Variants in SATB1 observed in about 807,000 individuals in gnomAD.
SATB1 encodes SATB homeobox 1, also known as DNA-binding protein SATB1.
In SATB1, 11 loss-of-function variants were observed where a neutral mutation model predicts 86.9. That is an observed-to-expected ratio of 0.13 (90% CI 0.08 to 0.21). The LOEUF is 0.21. Among genes scored for constraint, SATB1 ranks in the 10% least tolerant of loss-of-function variants. SATB1 has a pLI of 1.00. For missense variants in SATB1, 551 were observed against 937.6 expected, an observed-to-expected ratio of 0.59 and a Z score of 5.39; for synonymous variants, 357 against 357.2, an observed-to-expected ratio of 1.00 and a Z score of 0.01.
chr3:18,431,386 T>A (rs1698886247), intron 2 of SATB1, among the ~76,000 whole-genome samples: 1 of 152,188 alleles, frequency 6.6e-6, no homozygotes, highest in Non-Finnish European at 1.5e-5. Context: ...TTCATATCTA[T>A]CTATATGTCT....
At chr3:18,400,824 ATG>A in intron 5 of SATB1, among the ~76,000 whole-genome samples, 1 of 152,326 alleles carries the variant, frequency 6.6e-6, no homozygotes, top group Middle Eastern at 3.4e-3. Context: ...AGTCTTTTTA[ATG>A]TAGAATGAAG....
Position 18,420,708 on chromosome 3 carries a change from T to C in SATB1, c.211+49A>G, listed in dbSNP as rs777686010. The C allele has an allele frequency of 2.0e-5, 30 of 1,504,900 alleles. No individual in the cohort carries two copies. In the Middle Eastern group the frequency reaches 9.3e-4, roughly 47 times the overall value. 93.2% of individuals were successfully genotyped at this position (1,504,900 alleles called of 1,614,324 possible). On this transcript the variant is annotated intron_variant, in intron 2 of 10. Transcript: ENST00000338745. ...CACCCCCACACAGTGTGGCCTTGTG[T>C]AGACAACAGGGCTTTCAGCTTTTCA...
Position 18,386,341 on chromosome 3 carries a change from C to T in SATB1, c.1419+58G>A, listed in dbSNP as rs901135508. The T allele has an allele frequency of 1.0e-5, 13 of 1,284,656 alleles. No homozygotes were observed. The highest frequency in any genetic ancestry group is 1.5e-5 in the African/African-American group (1 of 67,438). The allele number at this position is 1,284,656 out of a possible 1,614,324, so 79.6% of individuals were successfully genotyped here. A position where few individuals can be genotyped will look rare whatever the true frequency, so the allele number is the denominator to read the frequency against. ...TATCTAATTTCTTATTGAGATTCTT[C>T]CTCAAGCATTAAAAAAAAGCTAAAC... On this transcript the variant is annotated intron_variant, in intron 8 of 10. Coordinates refer to ENST00000338745, the MANE Select transcript of SATB1 (RefSeq NM_002971.6). This position sits in a 1 kb window ranked among gnomAD's most constrained non-coding sequence, Gnocchi z 4.5.
chr3:18,368,403 AG>A (rs1237710876), intron 9 of SATB1, among the ~76,000 whole-genome samples: 2 of 152,314 alleles, frequency 1.3e-5, no homozygotes, highest in East Asian at 3.9e-4. Flanking sequence ...AACTATGAAT[AG>A]GAAGAAAAAA....
chr3:18,403,673 T>C (rs1308271002), intron 5 of SATB1, among the ~76,000 whole-genome samples: 3 of 152,102 alleles, frequency 2.0e-5, no homozygotes, highest in Non-Finnish European at 4.4e-5. Flanking sequence ...CTTTAACTTC[T>C]CAGTCTATGC....
At chr3:18,437,215 A>G (rs1371439899) in intron 1 of SATB1, among the ~76,000 whole-genome samples, 3 of 152,162 alleles carry the variant, frequency 2.0e-5, no homozygotes, top group Non-Finnish European at 4.4e-5. Context: ...TGTTGGCCGA[A>G]GTCATCAAAA....
chr3:18,444,190 A>C lies in SATB1; in HGVS notation c.-25+1328T>G. The stretch of plus-strand genomic sequence containing the variant: ...CACCTTACTGCCCGCCCGGCTCCAG[A>C]ACGCACCGAGAGGCTCCCCTTTTCC... On this transcript the variant is annotated intron_variant, in intron 1 of 3. Coordinates refer to the SATB1 transcript ENST00000415069. This position sits in a 1 kb window ranked among gnomAD's most constrained non-coding sequence, Gnocchi z 5.1. Among the ~76,000 whole-genome samples, 1 of 151,350 alleles carries C rather than the reference A, an allele frequency of 6.6e-6. No individual in the cohort carries two copies. The highest frequency in any genetic ancestry group is 2.4e-5 in the African/African-American group (1 of 41,180).
intron 1 of SATB1, chr3:18,445,358 G>T (rs1699365297): frequency 7.1e-6 from 7 of 985,094 alleles, no homozygotes; most frequent in Non-Finnish European, 7.2e-6. Flanking sequence ...CCGGGGTGTG[G>T]GGGGCGGCGG....
At chr3:18,354,014 T>C (rs947269515) in intron 9 of SATB1, among the ~76,000 whole-genome samples, 2 of 152,212 alleles carry the variant, frequency 1.3e-5, no homozygotes, top group African/African-American at 4.8e-5. Flanking sequence ...GTGATGGCAA[T>C]GTCACTGAAT....
chr3:18,387,871 G>C (rs1295096879), intron 7 of SATB1, among the ~76,000 whole-genome samples: 1 of 152,134 alleles, frequency 6.6e-6, no homozygotes, highest in Non-Finnish European at 1.5e-5. Flanking sequence ...TGGTTTGTTA[G>C]AAGTACAAAC....
At chr3:18,373,460 T>C (rs534308223) in intron 9 of SATB1, among the ~76,000 whole-genome samples, 1 of 152,334 alleles carries the variant, frequency 6.6e-6, no homozygotes, top group Non-Finnish European at 1.5e-5. Flanking sequence ...GAATGCAATG[T>C]CAATGGTTCC....
rs571806131 is a variant in SATB1, at chr3:18,384,592, A to G, written c.1419+1807T>C. Among the ~76,000 whole-genome samples, 150 of 152,278 alleles carry G rather than the reference A, an allele frequency of 9.9e-4. 1 individual carries two copies. The highest frequency in any genetic ancestry group is 3.4e-3 in the African/African-American group (141 of 41,566). ...TCAGAGCCCTGTCAGTGGTGACTTC[A>G]GGAGCAAAGTTAACTAATAAAAGTG... On this transcript the variant is annotated intron_variant, in intron 8 of 10. Coordinates refer to ENST00000338745, the MANE Select transcript of SATB1 (RefSeq NM_002971.6).
intron 5 of SATB1, among the ~76,000 whole-genome samples, chr3:18,400,897 G>A (rs371219591): frequency 1.3e-5 from 2 of 152,146 alleles, no homozygotes. Context: ...AAAACACCAC[G>A]GGGAAATATT....
At chr3:18,445,359 G>A (rs1699365332) in intron 1 of SATB1, 114 of 985,134 alleles carry the variant, frequency 1.2e-4, no homozygotes, top group Non-Finnish European at 1.4e-4. Context: ...CGGGGTGTGG[G>A]GGGCGGCGGG....
At chr3:18,432,724 T>C (rs183651813) in intron 2 of SATB1, among the ~76,000 whole-genome samples, 2 of 152,200 alleles carry the variant, frequency 1.3e-5, no homozygotes, top group Admixed American at 6.5e-5. Flanking sequence ...GTGTATGTAA[T>C]TAATGTCACT....
rs368407559 is a variant in SATB1, at chr3:18,380,129, G to T, written c.1420-1804C>A. ...GGGATAGATTTGATCACCCCATGGG[G>T]TCCCTTTTAATACCTATTTTTCTCA... On this transcript the variant is annotated intron_variant, in intron 8 of 10. Transcript: ENST00000338745. Among the ~76,000 whole-genome samples the T allele has an allele frequency of 3.3e-5, 5 of 152,264 alleles. No individual in the cohort carries two copies. In the East Asian group the frequency reaches 9.6e-4, roughly 29 times the overall value.
At chr3:18,351,082 C>G in intron 10 of SATB1, 1 of 525,262 alleles carries the variant, frequency 1.9e-6, no homozygotes. Flanking sequence ...TACCTGATCC[C>G]AGAACTTTTC....
At chr3:18,427,049 A>C (rs935273112), upstream of SATB1, among the ~76,000 whole-genome samples, 2 of 152,234 alleles carry the variant, frequency 1.3e-5, no homozygotes, top group African/African-American at 4.8e-5. Context: ...CTTGAGCAAA[A>C]GAATGAACAT....
At chr3:18,415,879 A>G in intron 4 of SATB1, 128 bp downstream of exon 4, 2 of 740,722 alleles carry the variant, frequency 2.7e-6, no homozygotes, top group South Asian at 7.5e-5. Context: ...GGGTAACAAA[A>G]TCGATCTGTA....
Sources: allele counts gnomAD v4.1 joint callset (sites outside exome capture counted in the v4.1 genomes callset), GRCh38; gene constraint gnomAD v4.1.1; non-coding constraint Gnocchi (gnomAD v3.1); transcripts MANE v1.5; gene names NCBI Gene and HGNC (gene_info 2026-07-23, HGNC 2026-07-21).